DSTYK: variants seen among roughly 807,000 people sequenced by gnomAD.
DSTYK encodes the protein RIP-homologous kinase.
In DSTYK, 34 loss-of-function variants were observed where a neutral mutation model predicts 98.7. That is an observed-to-expected ratio of 0.34 (90% CI 0.26 to 0.46). The LOEUF is 0.46. Among genes scored for constraint, DSTYK ranks in the 20% least tolerant of loss-of-function variants. DSTYK has a pLI of 1.00. For synonymous variants in DSTYK, 462 were observed against 457.3 expected (o/e 1.01, Z -0.13); for missense variants, 962 against 1,181.7 (o/e 0.81, Z 2.73).
intron 1 of DSTYK, among the ~76,000 whole-genome samples, chr1:205,208,100 C>T (rs1028777344): frequency 2.0e-5 from 3 of 151,958 alleles, no homozygotes; most frequent in Admixed American, 2.0e-4. Context: ...GGCTGGTCTC[C>T]AACTCCCAAC....
intron 1 of DSTYK, among the ~76,000 whole-genome samples, chr1:205,205,122 A>G (rs898608493): frequency 1.3e-5 from 2 of 152,180 alleles, no homozygotes; most frequent in Non-Finnish European, 2.9e-5. Flanking sequence ...TCTTTTATTA[A>G]AAGTAATAAC....
chr1:205,160,579 A>C (rs1404099924), intron 7 of DSTYK, among the ~76,000 whole-genome samples: 1 of 151,734 alleles, frequency 6.6e-6, no homozygotes, highest in Non-Finnish European at 1.5e-5. Context: ...CAAGTGATCC[A>C]CCCACCGTGG....
rs182663341 is a variant in DSTYK, at chr1:205,204,706, C to A, written c.265+6565G>T. On this transcript the variant is annotated intron_variant, in intron 1 of 12. Transcript: ENST00000367162. The stretch of plus-strand genomic sequence containing the variant: ...ATTTAATTCCAGAGCACTCTCATCT[C>A]CTCCCAGAAAAATTCCATACCCATT... 9.9e-4 allele frequency among the ~76,000 whole-genome samples: 150 copies of A among 152,252 alleles called. 2 individuals carry two copies. The highest frequency in any genetic ancestry group is 3.4e-3 in the African/African-American group (142 of 41,554).
chr1:205,189,793 C>T (rs558458911), intron 1 of DSTYK, among the ~76,000 whole-genome samples: 9 of 152,178 alleles, frequency 5.9e-5, no homozygotes, highest in Non-Finnish European at 1.2e-4. Context: ...ACATATACAT[C>T]AGCAACACCA....
intron 2 of DSTYK, among the ~76,000 whole-genome samples, chr1:205,175,784 G>A (rs1658210167): frequency 6.6e-6 from 1 of 152,140 alleles, no homozygotes; most frequent in Non-Finnish European, 1.5e-5. Flanking sequence ...TTTCATGGAT[G>A]GCTATATACC....
At chr1:205,158,869 T>C (rs532272910) in intron 9 of DSTYK, among the ~76,000 whole-genome samples, 1 of 152,346 alleles carries the variant, frequency 6.6e-6, no homozygotes, top group South Asian at 2.1e-4. Flanking sequence ...ATGCTGGACC[T>C]TGTACAAAGC....
chr1:205,161,399 A>T lies in DSTYK; in HGVS notation c.1819-12T>A, dbSNP rs748737452. 3 of 1,613,868 alleles carry T rather than the reference A, an allele frequency of 1.9e-6. No individual in the cohort carries two copies. Among genetic ancestry groups the T allele is most frequent in the African/African-American group, 2.7e-5 (2 of 74,914 alleles). ...TGGCCAGCTTCCAGCTGGGAGAGAA[A>T]CAGAAAAAGTACATATGACTTAAGT... On this transcript the variant is annotated splice_polypyrimidine_tract_variant and intron_variant, in intron 6 of 12. Transcript: ENST00000367162.
chr1:205,158,594 A>G (rs545697780), intron 9 of DSTYK, among the ~76,000 whole-genome samples: 1 of 152,288 alleles, frequency 6.6e-6, no homozygotes, highest in South Asian at 2.1e-4. Context: ...TTTGTTCCCA[A>G]CATCTCTTTG....
In DSTYK at chr1:205,146,513, T is replaced by TA. The variant is rs1054071867; in HGVS notation, c.*1044dup. On this transcript the variant is annotated 3_prime_UTR_variant, in exon 13 of 13. Coordinates refer to ENST00000367162, the MANE Select transcript of DSTYK (RefSeq NM_015375.3). ...ACTCCTGTGTGTATGTCTATATAGA[T>TA]AGAGATATAGACACACACACATATA... 2.0e-5 allele frequency: 3 copies of TA among 151,832 alleles called. No individual in the cohort carries two copies. Among genetic ancestry groups the TA allele is most frequent in the Admixed American group, 6.6e-5 (1 of 15,242 alleles). 9.4% of individuals were successfully genotyped at this position (151,832 alleles called of 1,614,324 possible).
At chr1:205,161,706 C>G (rs1209575123) in intron 6 of DSTYK, among the ~76,000 whole-genome samples, 1 of 152,120 alleles carries the variant, frequency 6.6e-6, no homozygotes, top group Non-Finnish European at 1.5e-5. Flanking sequence ...TCCTAAAATA[C>G]TATATAAACA....
At chr1:205,209,080 TG>T (rs1160400993) in intron 1 of DSTYK, among the ~76,000 whole-genome samples, 1 of 152,232 alleles carries the variant, frequency 6.6e-6, no homozygotes, top group Non-Finnish European at 1.5e-5. Flanking sequence ...TGCAGTCAAC[TG>T]GAAAAGCCAA....
At chr1:205,147,813 G>C (rs1257940454) in intron 12 of DSTYK, 68 bp from the exon 13 acceptor site, 3 of 1,520,866 alleles carry the variant, frequency 2.0e-6, no homozygotes, top group Middle Eastern at 1.8e-4. Flanking sequence ...GGCATGACCA[G>C]CTCAAAGGCT....
rs193088526 is a variant in DSTYK at position 205,164,747 on chromosome 1, C to T, written c.1325-792G>A. On this transcript the variant is annotated intron_variant, in intron 3 of 12. Coordinates refer to ENST00000367162, the MANE Select transcript of DSTYK (RefSeq NM_015375.3). Reference sequence around the variant, plus strand: ...AAGTGCTGGGATTACAGGTGTGAGCCACCGTGCCCGGCAATTTTGTTAGCT... The same window carrying T: ...AAGTGCTGGGATTACAGGTGTGAGCTACCGTGCCCGGCAATTTTGTTAGCT... 4.6e-3 allele frequency among the ~76,000 whole-genome samples: 694 copies of T among 152,276 alleles called. 4 individuals carry two copies. Among genetic ancestry groups the T allele is most frequent in the South Asian group, 0.012 (60 of 4,824 alleles).
chr1:205,170,188 G>A (rs1205825595), intron 2 of DSTYK, among the ~76,000 whole-genome samples: 3 of 152,164 alleles, frequency 2.0e-5, no homozygotes, highest in Non-Finnish European at 2.9e-5. Flanking sequence ...GAATTGTAAT[G>A]GAAATTATCA....
At chr1:205,166,982 G>T (rs1657908105) in intron 3 of DSTYK, among the ~76,000 whole-genome samples, 2 of 152,152 alleles carry the variant, frequency 1.3e-5, no homozygotes, top group Admixed American at 6.5e-5. Flanking sequence ...TAGGATTTTA[G>T]GAAGTAGTCC....
At chr1:205,190,219 C>T (rs1032739464) in intron 1 of DSTYK, among the ~76,000 whole-genome samples, 2 of 152,256 alleles carry the variant, frequency 1.3e-5, no homozygotes, top group Admixed American at 1.3e-4. Context: ...GGGACAGCTA[C>T]CTATAGAAAG....
chr1:205,192,701 G>A (rs11240380), intron 1 of DSTYK, among the ~76,000 whole-genome samples: 74,799 of 151,516 alleles, frequency 0.49, 21,288 homozygotes, highest in Non-Finnish European at 0.63. Flanking sequence ...ATCTCTACTA[G>A]AAATATAAAA....
Position 205,151,393 on chromosome 1 carries a change from T to G in DSTYK, c.2353-599A>C, listed in dbSNP as rs541264663. ...TATAAACTTTTTAATTTTTTAAGCTTTTTGTTTGACTCTTTTGTAATAAAC... is the reference window on the plus strand; with the variant it reads ...TATAAACTTTTTAATTTTTTAAGCTGTTTGTTTGACTCTTTTGTAATAAAC... On this transcript the variant is annotated intron_variant, in intron 10 of 12. Coordinates refer to ENST00000367162, the MANE Select transcript of DSTYK (RefSeq NM_015375.3). Among the ~76,000 whole-genome samples, 4 of 152,332 alleles carry G rather than the reference T, an allele frequency of 2.6e-5. No individual in the cohort carries two copies. The East Asian group carries it at 7.7e-4, about 29-fold the overall frequency.
At chr1:205,206,144 G>C (rs1287660980) in intron 1 of DSTYK, among the ~76,000 whole-genome samples, 1 of 152,160 alleles carries the variant, frequency 6.6e-6, no homozygotes, top group African/African-American at 2.4e-5. Flanking sequence ...TAAGGCCAAG[G>C]CCAATGTCTT....
Sources: allele counts gnomAD v4.1 joint callset (sites outside exome capture counted in the v4.1 genomes callset), GRCh38; gene constraint gnomAD v4.1.1; transcripts MANE v1.5; gene names NCBI Gene and HGNC (gene_info 2026-07-23, HGNC 2026-07-21).